Variants in NOX1 observed in about 807,000 individuals in gnomAD.
The protein encoded by NOX1 is NADH/NADPH mitogenic oxidase subunit P65-MOX.
A neutral mutation model predicts 42.5 loss-of-function variants in NOX1; 34 were observed. That is an observed-to-expected ratio of 0.80 (90% CI 0.61 to 1.07). The LOEUF (loss-of-function observed/expected upper bound fraction) is 1.07, where lower values mean the gene tolerates loss of function less well. NOX1 is among the 50% of genes least tolerant of loss of function. NOX1 has a pLI of 0.00. For synonymous variants in NOX1, 143 were observed against 152.5 expected (o/e 0.94, Z 0.46); for missense variants, 408 against 427.0 (o/e 0.96, Z 0.39).
chrX:100,844,757 T>C (rs1221427130), intron 12 of NOX1, among the ~76,000 whole-genome samples: 1 of 112,464 alleles, frequency 8.9e-6, no homozygotes, highest in African/African-American at 3.2e-5. Context: ...AACCTCTCTC[T>C]GTTTCAGCTT....
At chrX:100,853,296 T>TCTCTTTC (rs1457859725) in intron 7 of NOX1, among the ~76,000 whole-genome samples, 10 of 63,858 alleles carry the variant, frequency 1.6e-4, no homozygotes, top group African/African-American at 3.7e-4. Flanking sequence ...CTTTCTTTCT[T>TCTCTTTC]TCTTTCTTTC....
chrX:100,873,486 A>G (rs191349730), intron 1 of NOX1, among the ~76,000 whole-genome samples: 1 of 112,290 alleles, frequency 8.9e-6, no homozygotes, highest in Admixed American at 9.5e-5. Context: ...CTGTGGGTAT[A>G]TATACACATC....
chrX:100,859,621 T>C (rs2085189780), intron 7 of NOX1, among the ~76,000 whole-genome samples: 1 of 110,706 alleles, frequency 9.0e-6, no homozygotes, highest in African/African-American at 3.3e-5. Context: ...TGGAACTCAA[T>C]ATTGGTCTGC....
intron 5 of NOX1, 42 bp from the exon 6 acceptor site, chrX:100,862,615 T>A: frequency 8.4e-7 from 1 of 1,191,683 alleles, no homozygotes; most frequent in Non-Finnish European, 1.1e-6. Flanking sequence ...TGTCCACCTG[T>A]GCACTTCCTG....
rs769137172 is a variant in NOX1 at position 100,863,122 on chromosome X, C to T, written c.337+37G>A. 2.0e-5 allele frequency: 20 copies of T among 983,531 alleles called. No individual in the cohort carries two copies. In the East Asian group the frequency reaches 5.8e-4, roughly 29 times the overall value. The allele number at this position is 983,531 out of a possible 1,213,427, so 81.1% of individuals were successfully genotyped here. ...GATGAATGAAGCAAGATTCTGAATG[C>T]CCTGGAGTCTGCAGATTCATGGATT... On this transcript the variant is annotated intron_variant, in intron 4 of 12. Coordinates refer to ENST00000372966, the MANE Select transcript of NOX1 (RefSeq NM_007052.5).
rs1225281239 is a variant in NOX1 at position 100,843,357 on chromosome X, G to A, written c.*595C>T. 9.3e-7 allele frequency: 1 copy of A among 1,073,754 alleles called. No homozygotes were observed. The highest frequency in any genetic ancestry group is 1.2e-6 in the Non-Finnish European group (1 of 831,299). 88.5% of individuals were successfully genotyped at this position (1,073,754 alleles called of 1,213,427 possible). A position where few individuals can be genotyped will look rare whatever the true frequency, so the allele number is the denominator to read the frequency against. ...AGAAGAAAATCCTTTATTTTTTGAT[G>A]AGCAAAAATAAGAATAAATTGCTGT... On this transcript the variant is annotated 3_prime_UTR_variant, in exon 13 of 13. Transcript: ENST00000372966.
chrX:100,851,702 A>G (rs2085115749), intron 7 of NOX1, among the ~76,000 whole-genome samples: 1 of 111,799 alleles, frequency 8.9e-6, no homozygotes, highest in South Asian at 3.7e-4. Flanking sequence ...GCCTGATCTC[A>G]GGAGTTGGAG....
intron 12 of NOX1, among the ~76,000 whole-genome samples, chrX:100,847,437 C>G (rs1035412367): frequency 2.7e-5 from 3 of 110,879 alleles, no homozygotes; most frequent in African/African-American, 9.9e-5. Flanking sequence ...TTTCAACCTC[C>G]AAAGCTTCTA....
Position 100,862,553 on chromosome X carries a change from G to A in NOX1, c.510C>T (p.Phe170=). 1 of 1,209,498 alleles carries A rather than the reference G, an allele frequency of 8.3e-7. No homozygotes were observed. Among genetic ancestry groups the A allele is most frequent in the South Asian group, 1.8e-5 (1 of 56,657 alleles). ...SRNTTVEYVT[F]TSIAGLTGVI... Reference sequence around the variant, plus strand: ...CTCCAGTGAGACCAGCAATGCTGGTGAATGTCACATACTCCACTGTCTGTG... The same window carrying A: ...CTCCAGTGAGACCAGCAATGCTGGTAAATGTCACATACTCCACTGTCTGTG... The change falls in exon 6 of 13, where the codon TTC becomes TTT. Residue 170 remains phenylalanine, a synonymous_variant. Coordinates refer to ENST00000372966, the MANE Select transcript of NOX1 (RefSeq NM_007052.5).
chrX:100,855,929 A>G (rs1367733523), intron 7 of NOX1: 17 of 1,168,619 alleles, frequency 1.5e-5, no homozygotes, highest in African/African-American at 5.3e-5. Flanking sequence ...GGTCGTCAAA[A>G]GTTACAAAGG....
At chrX:100,852,296 C>T (rs1373890744) in intron 7 of NOX1, among the ~76,000 whole-genome samples, 2 of 110,888 alleles carry the variant, frequency 1.8e-5, no homozygotes, top group Non-Finnish European at 3.8e-5. Flanking sequence ...TGGTGAAACC[C>T]CATCTCTGCT....
In NOX1 at chrX:100,843,708, A is replaced by C. The variant is rs748584578; in HGVS notation, c.*244T>G. The C allele has an allele frequency of 5.0e-6, 2 of 398,536 alleles. No individual in the cohort carries two copies. The highest frequency in any genetic ancestry group is 1.2e-4 in the South Asian group (2 of 16,393). The allele number at this position is 398,536 out of a possible 1,213,427, so 32.8% of individuals were successfully genotyped here. A position where few individuals can be genotyped will look rare whatever the true frequency, so the allele number is the denominator to read the frequency against. ...GTCATGGCTGTCCAGAAAGATTTAC[A>C]GTTATTTTTCTGAGAAAGGATCCAT... On this transcript the variant is annotated 3_prime_UTR_variant, in exon 13 of 13. Coordinates refer to ENST00000372966, the MANE Select transcript of NOX1 (RefSeq NM_007052.5).
chrX:100,849,883 A>C lies in NOX1; in HGVS notation c.1185T>G (p.Tyr395Ter). The C allele has an allele frequency of 8.3e-7, 1 of 1,210,487 alleles. No homozygotes were observed. The highest frequency in any genetic ancestry group is 1.1e-6 in the Non-Finnish European group (1 of 894,858). Residue 395 changes from tyrosine to a stop codon, truncating the protein, a stop_gained, in exon 10 of 13, where the codon TAT (tyrosine) becomes TAG (stop). Transcript: ENST00000372966. LOFTEE classifies it high-confidence loss of function. ...CTGCTCCAACCAGCACAGCCACTTC[A>C]TACTGGAAAACATCCTCACTGGCTG... is the stretch of plus-strand genomic sequence containing the variant. Reference protein sequence around the residue: ...FGTASEDVFQYEVAVLVGAGI... With the variant: ...FGTASEDVFQ
intron 7 of NOX1, chrX:100,855,419 C>T: frequency 3.1e-6 from 2 of 648,910 alleles, no homozygotes; most frequent in Non-Finnish European, 5.1e-6. Flanking sequence ...AGTTTCCTCC[C>T]TTCATGGGTC....
In NOX1 at chrX:100,850,420, A is replaced by C. The variant is rs754603823; in HGVS notation, c.898-34T>G. On this transcript the variant is annotated intron_variant, in intron 8 of 12. Coordinates refer to ENST00000372966, the MANE Select transcript of NOX1 (RefSeq NM_007052.5). ...GAAGCACATAGACCAAAGAAAGCAAACTCTAATGACGACAGGGACAGGCAG... is the reference window on the plus strand; with the variant it reads ...GAAGCACATAGACCAAAGAAAGCAACCTCTAATGACGACAGGGACAGGCAG... 3.0e-5 allele frequency: 29 copies of C among 958,636 alleles called. No homozygotes were observed. The South Asian group carries it at 6.6e-4, about 22-fold the overall frequency. 79.0% of individuals were successfully genotyped at this position (958,636 alleles called of 1,213,427 possible).
At position 100,862,740 on chromosome X, in the gene NOX1, T is replaced by C; in HGVS notation, c.418A>G (p.Ile140Val). Residue 140 changes from isoleucine to valine, a missense_variant, in exon 5 of 13, where the codon ATT (isoleucine) becomes GTT (valine). Ile to Val is a conservative substitution (Grantham distance 29). Transcript: ENST00000372966. ...TCATCATGAGATAGGCTGGAGAGAA[T>C]GGAGGCAAGGGAGCCATCTGTGGCC... ...RQATDGSLAS[I>V]LSSLSHDEKK... The C allele has an allele frequency of 8.3e-7, 1 of 1,200,500 alleles. No individual in the cohort carries two copies.
intron 7 of NOX1, among the ~76,000 whole-genome samples, chrX:100,853,769 C>T (rs1462007307): frequency 3.6e-5 from 4 of 111,179 alleles, no homozygotes; most frequent in South Asian, 3.9e-4. Context: ...CTGCTGGCCT[C>T]GAATGATCCA....
chrX:100,849,952 A>G lies in NOX1; in HGVS notation c.1134-18T>C, dbSNP rs759123631. 10 of 1,177,555 alleles carry G rather than the reference A, an allele frequency of 8.5e-6. No individual in the cohort carries two copies. In the African/African-American group the frequency reaches 1.4e-4, roughly 17 times the overall value. On this transcript the variant is annotated intron_variant, in intron 9 of 12. Coordinates refer to ENST00000372966, the MANE Select transcript of NOX1 (RefSeq NM_007052.5). ...CTTCAATCCTGGCAGAAGACAGAAGATAACGGGCAACTGAAGACTCCCCTC... is the reference window on the plus strand; with the variant it reads ...CTTCAATCCTGGCAGAAGACAGAAGGTAACGGGCAACTGAAGACTCCCCTC...
intron 7 of NOX1, among the ~76,000 whole-genome samples, chrX:100,859,152 AT>A: frequency 8.9e-6 from 1 of 111,920 alleles, no homozygotes; most frequent in East Asian, 2.8e-4. Context: ...GGAATGTTGA[AT>A]TTTATTGAAA....
Sources: gnomAD v4.1 joint callset for allele counts (sites outside exome capture counted in the v4.1 genomes callset) on GRCh38, gnomAD v4.1.1 for gene constraint, MANE v1.5 for transcripts, NCBI Gene and HGNC (gene_info 2026-07-23, HGNC 2026-07-21) for gene names.